Variants in PCDH15 observed in about 807,000 individuals in gnomAD.
PCDH15 encodes protocadherin-15.
PCDH15 carries 129 observed loss-of-function variants against 178.5 expected under a neutral mutation model. The ratio of observed to expected loss-of-function variants is 0.72; its 90% CI spans 0.63 to 0.84. The LOEUF (loss-of-function observed/expected upper bound fraction) is 0.84, where lower values mean the gene tolerates loss of function less well. PCDH15 is among the 40% of genes least tolerant of loss of function. The probability of loss-of-function intolerance (pLI) is 0.00; values close to 1 mark genes in which losing one functional copy is unlikely to be tolerated. For missense variants in PCDH15, 2,230 were observed against 2,099.9 expected (o/e 1.06, Z -1.21); for synonymous variants, 800 against 732.0 (o/e 1.09, Z -1.50).
At chr10:54,143,985 C>A (rs921912671) in intron 14 of PCDH15, among the ~76,000 whole-genome samples, 3 of 152,004 alleles carry the variant, frequency 2.0e-5, no homozygotes, top group African/African-American at 2.4e-5. Context: ...AAACAATGAA[C>A]CTTGTTGCAC....
chr10:54,201,020 A>G (rs2050181231), intron 10 of PCDH15, among the ~76,000 whole-genome samples: 1 of 152,180 alleles, frequency 6.6e-6, no homozygotes, highest in Non-Finnish European at 1.5e-5. Flanking sequence ...ACCTGCAACA[A>G]TGAAATTCTG....
At chr10:54,837,555 T>C (rs1324031788) in intron 3 of PCDH15, among the ~76,000 whole-genome samples, 1 of 152,182 alleles carries the variant, frequency 6.6e-6, no homozygotes, top group African/African-American at 2.4e-5. Flanking sequence ...AAGTGATTTA[T>C]AAAATTGGAA....
At chr10:55,038,231 A>G (rs1458831429) in intron 2 of PCDH15, among the ~76,000 whole-genome samples, 2 of 152,226 alleles carry the variant, frequency 1.3e-5, no homozygotes, top group African/African-American at 4.8e-5. Context: ...GCATGTGAGT[A>G]TAGTCTTCTT....
chr10:53,988,298 C>A (rs945510720), intron 21 of PCDH15, among the ~76,000 whole-genome samples: 1 of 152,134 alleles, frequency 6.6e-6, no homozygotes, highest in African/African-American at 2.4e-5. Flanking sequence ...AAGGTTTCTG[C>A]CAGCCCCATG....
chr10:54,777,780 A>C (rs568209980), intron 1 of PCDH15, among the ~76,000 whole-genome samples: 16 of 152,332 alleles, frequency 1.1e-4, no homozygotes, highest in Admixed American at 2.0e-4. Flanking sequence ...AAATTGAGAA[A>C]ATTAAAACAG....
chr10:54,692,422 T>C (rs973899444), intron 1 of PCDH15, among the ~76,000 whole-genome samples: 1 of 152,212 alleles, frequency 6.6e-6, no homozygotes, highest in Non-Finnish European at 1.5e-5. Context: ...ATCTTTTACC[T>C]AAACTTTAAC....
intron 2 of PCDH15, among the ~76,000 whole-genome samples, chr10:54,986,174 A>G (rs2178644): frequency 0.36 from 55,305 of 151,824 alleles, 12,248 homozygotes; most frequent in African/African-American, 0.62. Flanking sequence ...CTAGCTAAAG[A>G]AGGGCATCAA....
At chr10:54,975,411 T>C (rs1005280334) in intron 2 of PCDH15, among the ~76,000 whole-genome samples, 14 of 152,226 alleles carry the variant, frequency 9.2e-5, no homozygotes, top group African/African-American at 3.4e-4. Context: ...AAGGACTTAA[T>C]ATTTTATTGA....
At chr10:55,248,197 C>CAT (rs376422386) in intron 1 of PCDH15, among the ~76,000 whole-genome samples, 141 of 151,312 alleles carry the variant, frequency 9.3e-4, no homozygotes, top group Admixed American at 2.4e-3. Flanking sequence ...AATACATACA[C>CAT]ATATATATAT....
At chr10:54,713,776 T>C (rs1465330911) in intron 1 of PCDH15, among the ~76,000 whole-genome samples, 1 of 152,190 alleles carries the variant, frequency 6.6e-6, no homozygotes, top group Non-Finnish European at 1.5e-5. Context: ...AATTGCGTTT[T>C]CTAAATTTAC....
chr10:54,224,778 C>A (rs2053251042), intron 9 of PCDH15, among the ~76,000 whole-genome samples: 1 of 151,902 alleles, frequency 6.6e-6, no homozygotes, highest in African/African-American at 2.4e-5. Context: ...AGCACTTTTT[C>A]TTTTCAGCTA....
chr10:54,038,824 T>C (rs1260701321), intron 18 of PCDH15, among the ~76,000 whole-genome samples: 1 of 151,982 alleles, frequency 6.6e-6, no homozygotes, highest in East Asian at 1.9e-4. Context: ...TAACAGAATA[T>C]AGCAAATTTT....
intron 2 of PCDH15, among the ~76,000 whole-genome samples, chr10:55,156,165 A>T (rs756714000): frequency 5.9e-5 from 9 of 152,168 alleles, no homozygotes; most frequent in Non-Finnish European, 1.2e-4. Flanking sequence ...ATGATCCTTC[A>T]TGTGAAGCTT....
At chr10:53,807,738 T>C (rs1487917212) in intron 37 of PCDH15, among the ~76,000 whole-genome samples, 1 of 152,148 alleles carries the variant, frequency 6.6e-6, no homozygotes, top group African/African-American at 2.4e-5. Flanking sequence ...GGTTGTCCCA[T>C]TTAGATATAC....
At chr10:55,192,739 C>CTA (rs561935272) in intron 1 of PCDH15, among the ~76,000 whole-genome samples, 1,674 of 149,746 alleles carry the variant, frequency 0.011, 44 homozygotes, top group East Asian at 0.1. Flanking sequence ...CTCTCTCTCT[C>CTA]TCTATATATA....
chr10:53,965,709 C>A lies in PCDH15; in HGVS notation c.2869-3817G>T, dbSNP rs552762128. On this transcript the variant is annotated intron_variant, in intron 21 of 37. Coordinates refer to ENST00000644397, the MANE Select transcript of PCDH15 (RefSeq NM_001384140.1). ...CAATGATGAAAGAGGATAATTATAGCACCAACTGCTTCAAGAACAAATTTT... is the reference window on the plus strand; with the variant it reads ...CAATGATGAAAGAGGATAATTATAGAACCAACTGCTTCAAGAACAAATTTT... Among the ~76,000 whole-genome samples, 3 of 152,262 alleles carry A rather than the reference C, an allele frequency of 2.0e-5. No individual in the cohort carries two copies. In the East Asian group the frequency reaches 5.8e-4, roughly 29 times the overall value.
At chr10:54,258,198 G>A (rs555180115) in intron 8 of PCDH15, among the ~76,000 whole-genome samples, 1 of 152,212 alleles carries the variant, frequency 6.6e-6, no homozygotes, top group African/African-American at 2.4e-5. Context: ...CCAAAGGGAA[G>A]CTGAAGGTCA....
intron 3 of PCDH15, among the ~76,000 whole-genome samples, chr10:54,461,145 C>T (rs916737170): frequency 1.3e-5 from 2 of 152,000 alleles, no homozygotes; most frequent in Admixed American, 6.6e-5. Flanking sequence ...GAATATTCTT[C>T]ATTGTGTTCA....
At chr10:54,266,565 A>G (rs929153049) in intron 8 of PCDH15, among the ~76,000 whole-genome samples, 1 of 151,990 alleles carries the variant, frequency 6.6e-6, no homozygotes, top group Middle Eastern at 3.2e-3. Context: ...TGCTAGCAAG[A>G]TTAACAAAAA....
Sources: gnomAD v4.1 joint callset for allele counts (sites outside exome capture counted in the v4.1 genomes callset) on GRCh38, gnomAD v4.1.1 for gene constraint, MANE v1.5 for transcripts, NCBI Gene and HGNC (gene_info 2026-07-23, HGNC 2026-07-21) for gene names.